The following INSL6 variants were observed in gnomAD, a reference collection of about 807,000 sequenced individuals.
INSL6 encodes the protein insulin-like peptide INSL6.
In INSL6, 16 loss-of-function variants were observed where a neutral mutation model predicts 9.4. The ratio of observed to expected loss-of-function variants is 1.70; its 90% CI spans 1.15 to 2.59. The LOEUF is 2.59. Ranked by LOEUF, INSL6 falls within the 30% of genes most tolerant of loss-of-function variation. The probability of loss-of-function intolerance (pLI) is 0.00; values close to 1 mark genes in which losing one functional copy is unlikely to be tolerated. For synonymous variants in INSL6, 154 were observed against 96.9 expected (o/e 1.59, Z -3.46); for missense variants, 391 against 257.3 (o/e 1.52, Z -3.56).
At chr9:5,040,745 G>C in the INSL6 span, among the ~76,000 whole-genome samples, 1 of 152,258 alleles carries the variant, frequency 6.6e-6, no homozygotes, top group Non-Finnish European at 1.5e-5. Flanking sequence ...CGGGCGTCCG[G>C]GACCGTGGTG....
rs1823998497 is a variant in INSL6, at chr9:5,126,387, T to C, written c.*11-1876A>G. On this transcript the variant is annotated intron_variant, in intron 3 of 3. Coordinates refer to the INSL6 transcript ENST00000649639. The stretch of plus-strand genomic sequence containing the variant: ...ACAAGGACAGATGATCGTGTTCCAT[T>C]TGATAGAACTTTTGAAGAATAATGG... 2.5e-6 allele frequency: 4 copies of C among 1,611,066 alleles called. No individual in the cohort carries two copies. Among genetic ancestry groups the C allele is most frequent in the Non-Finnish European group, 3.4e-6 (4 of 1,178,126 alleles).
At chr9:5,097,728 T>C in the INSL6 span, 2 of 152,200 alleles carry the variant, frequency 1.3e-5, no homozygotes, top group South Asian at 4.1e-4. Context: ...TAATTGGCAT[T>C]GTACTAGCTA....
chr9:4,992,557 G>A, the INSL6 span, among the ~76,000 whole-genome samples: 1 of 152,062 alleles, frequency 6.6e-6, no homozygotes, highest in East Asian at 1.9e-4. Flanking sequence ...TGAAATACAC[G>A]CAAAATACAC....
the INSL6 span, among the ~76,000 whole-genome samples, chr9:4,993,520 G>T: frequency 2.0e-5 from 3 of 152,174 alleles, no homozygotes; most frequent in Non-Finnish European, 4.4e-5. Flanking sequence ...TAATTCATTA[G>T]GTCAGGTATG....
chr9:5,036,025 C>T, the INSL6 span, among the ~76,000 whole-genome samples: 1 of 152,230 alleles, frequency 6.6e-6, no homozygotes, highest in Non-Finnish European at 1.5e-5. Flanking sequence ...TAAGCAACTT[C>T]AGCAAAGTCT....
At position 5,136,327 on chromosome 9, in the gene INSL6, T is replaced by A. The variant is rs556904366; in HGVS notation, c.377-2735A>T. 2.6e-3 allele frequency among the ~76,000 whole-genome samples: 397 copies of A among 152,226 alleles called. 4 individuals are homozygous for A. Among genetic ancestry groups the A allele is most frequent in the African/African-American group, 9.1e-3 (376 of 41,534 alleles). On this transcript the variant is annotated intron_variant, in intron 2 of 3. Coordinates refer to the INSL6 transcript ENST00000649639. ...GCAGAGACACAACAAAAAAAGAGAA[T>A]TTTAGGCCGATATCCCTGATAAACA...
At chr9:5,103,196 G>GAAGATCTACCAAGC in the INSL6 span, among the ~76,000 whole-genome samples, 1 of 84,008 alleles carries the variant, frequency 1.2e-5, no homozygotes, top group Admixed American at 1.7e-4. Context: ...AGGGATGGAG[G>GAAGATCTACCAAGC]AAGATCTACC....
At chr9:5,129,816 A>C (rs1206936796) in intron 3 of INSL6, among the ~76,000 whole-genome samples, 1 of 152,178 alleles carries the variant, frequency 6.6e-6, no homozygotes, top group Non-Finnish European at 1.5e-5. Flanking sequence ...TATGTATATC[A>C]TATAGCCTTT....
the INSL6 span, chr9:5,112,939 T>A: frequency 2.2e-5 from 5 of 229,308 alleles, no homozygotes; most frequent in Non-Finnish European, 4.2e-5. Flanking sequence ...TTCATCCACA[T>A]CCACACCTCA....
At chr9:5,078,190 A>C in the INSL6 span, 10 of 811,132 alleles carry the variant, frequency 1.2e-5, no homozygotes, top group South Asian at 2.4e-4. Flanking sequence ...ATGCCTCCAA[A>C]TTATTATACT....
chr9:5,069,120 A>G, the INSL6 span: 5 of 1,612,958 alleles, frequency 3.1e-6, no homozygotes, highest in Non-Finnish European at 4.2e-6. Flanking sequence ...GCAGTCTTAA[A>G]GATCTTTTGA....
At chr9:5,033,408 T>G in the INSL6 span, among the ~76,000 whole-genome samples, 4 of 152,076 alleles carry the variant, frequency 2.6e-5, no homozygotes, top group African/African-American at 9.7e-5. Context: ...AGATACTCCT[T>G]GAGAAGAGCA....
At chr9:5,171,759 T>A (rs1019857682) in intron 1 of INSL6, among the ~76,000 whole-genome samples, 2 of 152,032 alleles carry the variant, frequency 1.3e-5, no homozygotes, top group Non-Finnish European at 2.9e-5. Flanking sequence ...AAAGAGAATA[T>A]ACCTATGAAT....
chr9:5,143,013 T>A (rs529883838), intron 2 of INSL6, among the ~76,000 whole-genome samples: 1 of 152,236 alleles, frequency 6.6e-6, no homozygotes, highest in African/African-American at 2.4e-5. Context: ...CTGATATGCT[T>A]GAACCAACCT....
At chr9:5,023,876 A>G in the INSL6 span, among the ~76,000 whole-genome samples, 1 of 149,946 alleles carries the variant, frequency 6.7e-6, no homozygotes, top group South Asian at 2.1e-4. Flanking sequence ...AGCTTATAGT[A>G]AGATTTTAGC....
the INSL6 span, chr9:5,114,034 T>C: frequency 9.4e-6 from 3 of 317,650 alleles, no homozygotes; most frequent in Middle Eastern, 5.0e-4. Context: ...GCCTCTCCCA[T>C]ACTGGAGGAT....
the INSL6 span, among the ~76,000 whole-genome samples, chr9:5,106,024 C>T: frequency 1.7e-4 from 26 of 152,144 alleles, no homozygotes; most frequent in South Asian, 4.1e-4. Flanking sequence ...ATGATGAAAA[C>T]GCCAGAAACA....
At chr9:5,091,503 T>C in the INSL6 span, 6 of 152,064 alleles carry the variant, frequency 3.9e-5, no homozygotes, top group African/African-American at 1.4e-4. Context: ...CATGAGGATT[T>C]TGTAGGTGCA....
intron 2 of INSL6, among the ~76,000 whole-genome samples, chr9:5,138,224 G>A (rs759077059): frequency 7.2e-5 from 11 of 152,044 alleles, no homozygotes; most frequent in East Asian, 1.9e-4. Context: ...CTGCAATTCC[G>A]TTACTGGGTA....
Sources: gnomAD v4.1 joint callset for allele counts (sites outside exome capture counted in the v4.1 genomes callset) on GRCh38, gnomAD v4.1.1 for gene constraint, MANE v1.5 for transcripts, NCBI Gene and HGNC (gene_info 2026-07-23, HGNC 2026-07-21) for gene names.